HSD17B2: variants seen among roughly 807,000 people sequenced by gnomAD.
The protein encoded by HSD17B2 is 17-beta-hydroxysteroid dehydrogenase type 2.
A neutral mutation model predicts 26.9 loss-of-function variants in HSD17B2; 32 were observed. The observed-to-expected ratio is 1.19, with a 90% CI of 0.90 to 1.60. HSD17B2 has a LOEUF of 1.60. HSD17B2 is among the 40% of genes most tolerant of loss of function. The probability of loss-of-function intolerance (pLI) is 0.00; values close to 1 mark genes in which losing one functional copy is unlikely to be tolerated. For missense variants in HSD17B2, 613 were observed against 468.6 expected (o/e 1.31, Z -2.85); for synonymous variants, 246 against 186.7 (o/e 1.32, Z -2.59).
At chr16:82,067,249 G>T (rs8191129) in intron 1 of HSD17B2, among the ~76,000 whole-genome samples, 1,737 of 152,314 alleles carry the variant, frequency 0.011, 37 homozygotes, top group African/African-American at 0.039. Context: ...AGGAGTCCAA[G>T]GAAGATCACA....
chr16:82,084,517 T>C (rs1490747495), intron 3 of HSD17B2, among the ~76,000 whole-genome samples: 2 of 152,146 alleles, frequency 1.3e-5, no homozygotes, highest in South Asian at 2.1e-4. Flanking sequence ...GAGAGAGTAA[T>C]CACAGTTGCC....
At chr16:82,066,290 G>A (rs1228149642) in intron 1 of HSD17B2, among the ~76,000 whole-genome samples, 2 of 152,180 alleles carry the variant, frequency 1.3e-5, no homozygotes, top group African/African-American at 4.8e-5. Flanking sequence ...TAAGAAGGAA[G>A]GAGATGGAGC....
At chr16:82,035,773 A>G in intron 1 of HSD17B2, 84 bp downstream of exon 1, 1 of 1,407,444 alleles carries the variant, frequency 7.1e-7, no homozygotes, top group Non-Finnish European at 9.8e-7. Flanking sequence ...AATCTGGCTT[A>G]AAAATAAAAT....
intron 1 of HSD17B2, chr16:82,063,185 A>G (rs1277008241): frequency 6.6e-6 from 1 of 152,232 alleles, no homozygotes; most frequent in Non-Finnish European, 1.5e-5. Flanking sequence ...TCTGAGTCTT[A>G]ACCAAGATGT....
chr16:82,055,472 T>C (rs935986857), intron 1 of HSD17B2, among the ~76,000 whole-genome samples: 2 of 152,150 alleles, frequency 1.3e-5, no homozygotes, highest in Admixed American at 6.5e-5. Flanking sequence ...GAAGAGTACA[T>C]GGCACATGCT....
At chr16:82,080,653 G>A (rs1282993527) in intron 3 of HSD17B2, among the ~76,000 whole-genome samples, 2 of 152,164 alleles carry the variant, frequency 1.3e-5, no homozygotes, top group African/African-American at 4.8e-5. Context: ...TGTCTGGTTT[G>A]ACTTTAAACG....
intron 3 of HSD17B2, among the ~76,000 whole-genome samples, chr16:82,087,877 T>G (rs1238189563): frequency 6.6e-6 from 1 of 152,088 alleles, no homozygotes; most frequent in African/African-American, 2.4e-5. Flanking sequence ...ATCCCCTTTT[T>G]ATGACGACCC....
chr16:82,047,860 T>C (rs548738646), intron 1 of HSD17B2, among the ~76,000 whole-genome samples: 3 of 152,288 alleles, frequency 2.0e-5, no homozygotes, highest in East Asian at 3.9e-4. Flanking sequence ...AAACATGGTG[T>C]CCACAACAGG....
At chr16:82,078,188 A>G (rs1904312962) in intron 3 of HSD17B2, among the ~76,000 whole-genome samples, 1 of 152,258 alleles carries the variant, frequency 6.6e-6, no homozygotes, top group Non-Finnish European at 1.5e-5. Flanking sequence ...CTACAGGAAA[A>G]AATCAAATAA....
rs192187695 is a variant in HSD17B2 at position 82,070,391 on chromosome 16, C to G, written c.479-551C>G. On this transcript the variant is annotated intron_variant, in intron 2 of 4. Transcript: ENST00000199936. Reference sequence around the variant, plus strand: ...CACAGACCCTCACCTTCTTCCACCTCGGCTATCCCAATGCCCTCCTTGCAA... The same window carrying G: ...CACAGACCCTCACCTTCTTCCACCTGGGCTATCCCAATGCCCTCCTTGCAA... 1.3e-4 allele frequency among the ~76,000 whole-genome samples: 20 copies of G among 152,316 alleles called. 1 individual carries two copies. Among genetic ancestry groups the G allele is most frequent in the Admixed American group, 1.2e-3 (19 of 15,298 alleles).
chr16:82,076,772 G>T (rs980983619), intron 3 of HSD17B2, among the ~76,000 whole-genome samples: 3 of 152,090 alleles, frequency 2.0e-5, no homozygotes, highest in Non-Finnish European at 4.4e-5. Flanking sequence ...TAGAGACAGG[G>T]TTTCATAATG....
At chr16:82,057,246 T>C (rs999175736) in intron 1 of HSD17B2, among the ~76,000 whole-genome samples, 4 of 151,700 alleles carry the variant, frequency 2.6e-5, no homozygotes, top group African/African-American at 4.8e-5. Context: ...GTCACCAGGC[T>C]AGAGTGCAGT....
chr16:82,051,076 CT>C (rs1301399671), intron 1 of HSD17B2, among the ~76,000 whole-genome samples: 3 of 152,162 alleles, frequency 2.0e-5, no homozygotes, highest in African/African-American at 4.8e-5. Flanking sequence ...GGCTTTAAGT[CT>C]CCAGGTGTAT....
chr16:82,086,810 G>C (rs1168135390), intron 3 of HSD17B2, among the ~76,000 whole-genome samples: 1 of 152,200 alleles, frequency 6.6e-6, no homozygotes, highest in Non-Finnish European at 1.5e-5. Flanking sequence ...TTTTCTCACA[G>C]TTATGCAGTT....
chr16:82,060,654 G>C (rs1222314620), intron 1 of HSD17B2, among the ~76,000 whole-genome samples: 1 of 152,196 alleles, frequency 6.6e-6, no homozygotes, highest in South Asian at 2.1e-4. Context: ...TTCAATTTGT[G>C]TTTGTCCGTT....
intron 3 of HSD17B2, among the ~76,000 whole-genome samples, chr16:82,080,413 A>C (rs1312784706): frequency 6.6e-6 from 1 of 152,158 alleles, no homozygotes; most frequent in East Asian, 1.9e-4. Context: ...TCAGAGAGAA[A>C]CTGGAAGATG....
At chr16:82,091,211 G>A (rs1191895825) in intron 4 of HSD17B2, 172 bp downstream of exon 4, 3 of 729,712 alleles carry the variant, frequency 4.1e-6, no homozygotes, top group African/African-American at 3.4e-5. Flanking sequence ...TGACAGTAGG[G>A]GAAAGAGCTA....
At chr16:82,097,191 G>A (rs980035416) in intron 4 of HSD17B2, 5 of 150,750 alleles carry the variant, frequency 3.3e-5, no homozygotes, top group African/African-American at 1.2e-4. Context: ...ATTGTGCCCA[G>A]CTAAATTTCT....
chr16:82,075,412 A>G (rs1904295621), intron 3 of HSD17B2, among the ~76,000 whole-genome samples: 1 of 152,176 alleles, frequency 6.6e-6, no homozygotes, highest in Non-Finnish European at 1.5e-5. Flanking sequence ...CAAAATGAAA[A>G]GTTGGTTTCT....
Sources: allele counts gnomAD v4.1 joint callset (sites outside exome capture counted in the v4.1 genomes callset), GRCh38; gene constraint gnomAD v4.1.1; transcripts MANE v1.5; gene names NCBI Gene and HGNC (gene_info 2026-07-23, HGNC 2026-07-21).